The following C2orf49 variants were observed in gnomAD, a reference collection of about 807,000 sequenced individuals.
C2orf49 encodes tRNA-splicing ligase complex subunit ASW.
In C2orf49, 11 loss-of-function variants were observed where a neutral mutation model predicts 20.6. That is an observed-to-expected ratio of 0.53 (90% CI 0.34 to 0.88). C2orf49 has a LOEUF of 0.88. Among genes scored for constraint, C2orf49 ranks in the 40% least tolerant of loss-of-function variants. The pLI is 0.02. For synonymous variants in C2orf49, 134 were observed against 108.5 expected, an observed-to-expected ratio of 1.24 and a Z score of -1.46; for missense variants, 289 against 274.2, an observed-to-expected ratio of 1.05 and a Z score of -0.38.
At chr2:105,374,624 A>C in the C2orf49 span, 1 of 152,140 alleles carries the variant, frequency 6.6e-6, no homozygotes, top group Non-Finnish European at 1.5e-5. Context: ...TGAGTAAAAG[A>C]TGAGGGAGAG....
chr2:105,362,629 C>G, the C2orf49 span, among the ~76,000 whole-genome samples: 2 of 152,218 alleles, frequency 1.3e-5, no homozygotes, highest in Non-Finnish European at 2.9e-5. Flanking sequence ...ACACTTTTCT[C>G]TCCCCACCCA....
the C2orf49 span, chr2:105,367,540 G>A: frequency 1.2e-5 from 19 of 1,580,918 alleles, no homozygotes; most frequent in African/African-American, 5.4e-5. Flanking sequence ...CAGCCAGAAC[G>A]TGCAAGGGCC....
chr2:105,345,439 A>T lies in C2orf49; in HGVS notation c.*68A>T, dbSNP rs564341260. The T allele has an allele frequency of 1.2e-4, 145 of 1,189,452 alleles. 1 individual carries two copies. The South Asian group carries it at 1.3e-3, about 11-fold the overall frequency. 73.7% of individuals were successfully genotyped at this position (1,189,452 alleles called of 1,614,324 possible). ...TTCAAATATGTTCATATATATTGACAATATTTACAGAAATCCTGATTATTG... is the reference window on the plus strand; with the variant it reads ...TTCAAATATGTTCATATATATTGACTATATTTACAGAAATCCTGATTATTG... On this transcript the variant is annotated 3_prime_UTR_variant, in exon 4 of 4. Coordinates refer to ENST00000258457, the MANE Select transcript of C2orf49 (RefSeq NM_024093.3).
the C2orf49 span, among the ~76,000 whole-genome samples, chr2:105,385,577 C>T: frequency 1.5e-4 from 23 of 152,230 alleles, no homozygotes; most frequent in Non-Finnish European, 7.3e-5. Context: ...GCCAGTTTCA[C>T]GGCACTCAGG....
the C2orf49 span, among the ~76,000 whole-genome samples, chr2:105,385,603 G>A: frequency 2.6e-5 from 4 of 152,236 alleles, no homozygotes; most frequent in African/African-American, 9.6e-5. Flanking sequence ...AGCCACATGA[G>A]GGGTTTCACT....
the C2orf49 span, among the ~76,000 whole-genome samples, chr2:105,355,031 T>A: frequency 2.0e-5 from 3 of 152,170 alleles, no homozygotes; most frequent in Non-Finnish European, 4.4e-5. Context: ...GATGCTCTGT[T>A]GAAACTCAGC....
chr2:105,377,705 TC>T, the C2orf49 span: 8 of 203,942 alleles, frequency 3.9e-5, no homozygotes, highest in Non-Finnish European at 7.1e-5. Context: ...GTTACCTCTG[TC>T]CCCCTGTGCA....
downstream of C2orf49, among the ~76,000 whole-genome samples, chr2:105,349,618 G>A (rs1032874312): frequency 3.6e-4 from 55 of 152,262 alleles, no homozygotes; most frequent in Admixed American, 3.3e-3. Context: ...GCTCTTTCTT[G>A]GGAATGAACA....
Position 105,343,200 on chromosome 2 carries a change from C to G in C2orf49, c.619C>G (p.Pro207Ala), listed in dbSNP as rs1180627459. 1 of 1,601,050 alleles carries G rather than the reference C, an allele frequency of 6.2e-7. No homozygotes were observed. Among genetic ancestry groups the G allele is most frequent in the African/African-American group, 1.3e-5 (1 of 74,100 alleles). Residue 207 changes from proline to alanine, a missense_variant, in exon 3 of 4, where the codon CCT becomes GCT. Physicochemically the swap from Pro to Ala is conservative, Grantham distance 27. Transcript: ENST00000258457. ...TTPVKLKRAA[P>A]KEEAEAMNNL... ...TCCAGTGAAGTTAAAGAGAGCTGCT[C>G]CTAAAGAAGAGGCAGAGGCCATGGT...
the C2orf49 span, chr2:105,359,081 C>G: frequency 1.3e-5 from 2 of 152,168 alleles, no homozygotes; most frequent in Admixed American, 6.5e-5. Flanking sequence ...CAATATCTGC[C>G]TGCTTTGGAT....
chr2:105,381,649 G>C, the C2orf49 span, among the ~76,000 whole-genome samples: 1 of 152,116 alleles, frequency 6.6e-6, no homozygotes. Flanking sequence ...TCTGATCCTA[G>C]GACCCTGCTT....
chr2:105,377,929 C>A, the C2orf49 span: 1 of 403,892 alleles, frequency 2.5e-6, no homozygotes, highest in Admixed American at 3.0e-5. Flanking sequence ...AGAGGGGTGG[C>A]AAGTTATCAG....
chr2:105,376,695 G>A, the C2orf49 span: 4 of 152,334 alleles, frequency 2.6e-5, no homozygotes, highest in East Asian at 3.9e-4. Flanking sequence ...GTAAGGTCTC[G>A]AAGATATATT....
At chr2:105,376,118 C>T in the C2orf49 span, 1 of 152,176 alleles carries the variant, frequency 6.6e-6, no homozygotes, top group Admixed American at 6.6e-5. Flanking sequence ...CATCATTACC[C>T]CATCTGTGAG....
chr2:105,363,429 G>A, the C2orf49 span: 9 of 1,612,636 alleles, frequency 5.6e-6, no homozygotes, highest in Non-Finnish European at 7.6e-6. Context: ...CACTCCTTGT[G>A]CCAGGGCTGC....
At chr2:105,381,267 T>C in the C2orf49 span, among the ~76,000 whole-genome samples, 2 of 152,074 alleles carry the variant, frequency 1.3e-5, no homozygotes, top group Admixed American at 6.6e-5. Flanking sequence ...TTCTTTCAAA[T>C]CCTTACAAAT....
the C2orf49 span, chr2:105,367,741 TGTCATCAGG>T: frequency 1.2e-6 from 2 of 1,612,892 alleles, no homozygotes; most frequent in African/African-American, 2.7e-5. Flanking sequence ...TGCGGGTACC[TGTCATCAGG>T]GTCAAGAGGA....
chr2:105,367,741 T>C, the C2orf49 span: 1 of 1,613,010 alleles, frequency 6.2e-7, no homozygotes. Flanking sequence ...TGCGGGTACC[T>C]GTCATCAGGG....
intron 3 of C2orf49, 83 bp downstream of exon 3, chr2:105,343,306 CTG>C (rs1235911529): frequency 2.2e-6 from 3 of 1,378,378 alleles, no homozygotes; most frequent in Middle Eastern, 1.9e-4. Context: ...GGTGGGTCGA[CTG>C]TGCTACATTC....
Sources: allele counts gnomAD v4.1 joint callset (sites outside exome capture counted in the v4.1 genomes callset), GRCh38; gene constraint gnomAD v4.1.1; transcripts MANE v1.5; gene names NCBI Gene and HGNC (gene_info 2026-07-23, HGNC 2026-07-21).